Variants in MAP2K6 observed in about 807,000 individuals in gnomAD.
The protein encoded by MAP2K6 is mitogen-activated protein kinase kinase 6, also known as dual specificity mitogen-activated protein kinase kinase 6.
In MAP2K6, 16 loss-of-function variants were observed where a neutral mutation model predicts 53.7. The ratio of observed to expected loss-of-function variants is 0.30; its 90% confidence interval spans 0.20 to 0.45. The LOEUF is 0.45. MAP2K6 is among the 20% of genes least tolerant of loss of function. MAP2K6 has a pLI of 1.00. For synonymous variants in MAP2K6, 132 were observed against 143.1 expected (o/e 0.92, Z 0.55); for missense variants, 204 against 411.9 (o/e 0.50, Z 4.37).
At chr17:69,490,110 T>C (rs2716222) in intron 1 of MAP2K6, among the ~76,000 whole-genome samples, 93,157 of 152,048 alleles carry the variant, frequency 0.61, 28,733 homozygotes, top group East Asian at 0.72. Flanking sequence ...TTCTTGTTGG[T>C]AGGGAACATG....
In MAP2K6 at chr17:69,460,388, C is replaced by T. The variant is rs746945458; in HGVS notation, c.16+45388C>T. Among the ~76,000 whole-genome samples, 144 of 152,164 alleles carry T rather than the reference C, an allele frequency of 9.5e-4. 3 individuals are homozygous for T. Among genetic ancestry groups the T allele is most frequent in the Non-Finnish European group, 3.5e-4 (24 of 68,034 alleles). ...GCACTGCAGATACATGAGCAAGACCCGGAGGTGTGAGGTTACCTGGTGCAG... is the reference window on the plus strand; with the variant it reads ...GCACTGCAGATACATGAGCAAGACCTGGAGGTGTGAGGTTACCTGGTGCAG... On this transcript the variant is annotated intron_variant, in intron 1 of 11. Transcript: ENST00000590474.
At chr17:69,425,770 C>T (rs146300601) in intron 1 of MAP2K6, among the ~76,000 whole-genome samples, 2 of 152,276 alleles carry the variant, frequency 1.3e-5, no homozygotes, top group East Asian at 3.9e-4. Flanking sequence ...TCTCCCTCCT[C>T]CAATTTCAAA....
intron 1 of MAP2K6, among the ~76,000 whole-genome samples, chr17:69,462,578 T>C (rs1598273776): frequency 6.6e-6 from 1 of 152,290 alleles, no homozygotes; most frequent in East Asian, 1.9e-4. Flanking sequence ...TTTTTCAATA[T>C]GTGTATAGGC....
At chr17:69,475,923 T>C (rs1598280138) in intron 1 of MAP2K6, among the ~76,000 whole-genome samples, 1 of 152,196 alleles carries the variant, frequency 6.6e-6, no homozygotes, top group East Asian at 1.9e-4. Flanking sequence ...CGGGTAGCTT[T>C]GGGACAAAGT....
At chr17:69,448,070 T>G (rs531085281) in intron 1 of MAP2K6, among the ~76,000 whole-genome samples, 11 of 152,116 alleles carry the variant, frequency 7.2e-5, no homozygotes, top group South Asian at 2.1e-4. Context: ...CAGGGAGGCA[T>G]CTTTAAATGC....
At chr17:69,462,365 G>A (rs543752753) in intron 1 of MAP2K6, among the ~76,000 whole-genome samples, 1 of 152,138 alleles carries the variant, frequency 6.6e-6, no homozygotes, top group Non-Finnish European at 1.5e-5. Context: ...TCCATAAAAC[G>A]ACAAGAGAAC....
rs570302981 is a variant in MAP2K6, at chr17:69,425,394, C to T, written c.16+10394C>T. On this transcript the variant is annotated intron_variant, in intron 1 of 11. Coordinates refer to ENST00000590474, the MANE Select transcript of MAP2K6 (RefSeq NM_002758.4). The stretch of plus-strand genomic sequence containing the variant: ...GTGGTGCTATCTCAGCTCACTGCAA[C>T]CTCCGCCTCCCGGGTTCAAGTGATT... Among the ~76,000 whole-genome samples the T allele has an allele frequency of 3.3e-5, 5 of 152,036 alleles. No individual in the cohort carries two copies. In the East Asian group the frequency reaches 9.7e-4, roughly 29 times the overall value.
chr17:69,418,876 CA>C (rs11412079), intron 1 of MAP2K6, among the ~76,000 whole-genome samples: 11 of 148,886 alleles, frequency 7.4e-5, no homozygotes, highest in East Asian at 2.0e-4. Flanking sequence ...TTTATTATTG[CA>C]AAAAAAAAAT....
intron 9 of MAP2K6, among the ~76,000 whole-genome samples, chr17:69,525,699 A>G (rs1281947398): frequency 6.6e-6 from 1 of 152,198 alleles, no homozygotes; most frequent in South Asian, 2.1e-4. Flanking sequence ...CATGAGAACC[A>G]TAGAACAGTA....
rs569310559 is a variant in MAP2K6 at position 69,546,465 on chromosome 17, A to G, written c.*4712A>G. The G allele has an allele frequency of 5.9e-5, 9 of 152,274 alleles. No homozygotes were observed. In the South Asian group the frequency reaches 1.7e-3, roughly 28 times the overall value. 9.4% of individuals were successfully genotyped at this position (152,274 alleles called of 1,614,324 possible). On this transcript the variant is annotated 3_prime_UTR_variant, in exon 12 of 12. Coordinates refer to ENST00000590474, the MANE Select transcript of MAP2K6 (RefSeq NM_002758.4). ...GGCAGAGAGGGGTTAATGTTGCATA[A>G]TTTATCACTAAAATGTCTTTGTTGA...
At chr17:69,484,764 C>T (rs1190488389) in intron 1 of MAP2K6, among the ~76,000 whole-genome samples, 1 of 152,086 alleles carries the variant, frequency 6.6e-6, no homozygotes, top group Non-Finnish European at 1.5e-5. Flanking sequence ...ATTACTGATA[C>T]AAGCTACAAC....
intron 1 of MAP2K6, among the ~76,000 whole-genome samples, chr17:69,468,835 A>G (rs1907896242): frequency 6.6e-6 from 1 of 152,244 alleles, no homozygotes; most frequent in South Asian, 2.1e-4. Flanking sequence ...AAAAGAAAAC[A>G]GAACAACAAA....
In MAP2K6 at chr17:69,546,364, G is replaced by T. The variant is rs1911879924; in HGVS notation, c.*4611G>T. The T allele has an allele frequency of 6.6e-6, 1 of 152,182 alleles. No homozygotes were observed. The highest frequency in any genetic ancestry group is 6.5e-5 in the Admixed American group (1 of 15,280). The allele number at this position is 152,182 out of a possible 1,614,324, so 9.4% of individuals were successfully genotyped here. On this transcript the variant is annotated 3_prime_UTR_variant, in exon 12 of 12. Transcript: ENST00000590474. ...AAAGCCCCAGCATTGGAGGAGGCTG[G>T]TGCTAAGATGGACAGGGTTCCTGAT...
intron 11 of MAP2K6, among the ~76,000 whole-genome samples, chr17:69,539,094 A>T (rs1160540328): frequency 6.6e-6 from 1 of 152,212 alleles, no homozygotes; most frequent in Non-Finnish European, 1.5e-5. Flanking sequence ...TGCCCAGTGA[A>T]ATAATGTTCT....
At chr17:69,541,175 ATCACTTG>A in intron 11 of MAP2K6, among the ~76,000 whole-genome samples, 1 of 152,196 alleles carries the variant, frequency 6.6e-6, no homozygotes, top group African/African-American at 2.4e-5. Flanking sequence ...AGGCAGGAGA[ATCACTTG>A]AACCCGGGAG....
In MAP2K6 at chr17:69,536,178, C is replaced by T. The variant is rs74001408; in HGVS notation, c.927+18C>T. ...AGCTAATGGTGAGTATTGTTAGCAA[C>T]GTAAACATGACTATACTGATAGCTA... is the stretch of plus-strand genomic sequence containing the variant. On this transcript the variant is annotated intron_variant, in intron 11 of 11. Transcript: ENST00000590474. 2.2e-4 allele frequency: 358 copies of T among 1,601,462 alleles called. 1 individual carries two copies. In the African/African-American group the frequency reaches 4.0e-3, roughly 18 times the overall value.
intron 1 of MAP2K6, among the ~76,000 whole-genome samples, chr17:69,503,883 A>T (rs1052354276): frequency 6.6e-6 from 1 of 152,190 alleles, no homozygotes; most frequent in African/African-American, 2.4e-5. Context: ...GAGAAAACTG[A>T]GAGTCAGATG....
intron 1 of MAP2K6, among the ~76,000 whole-genome samples, chr17:69,501,981 G>A (rs1490594586): frequency 6.6e-6 from 1 of 151,024 alleles, no homozygotes; most frequent in Non-Finnish European, 1.5e-5. Flanking sequence ...GCCTTCCTGG[G>A]GGAACAGATT....
chr17:69,522,507 T>A (rs72855588), intron 7 of MAP2K6, among the ~76,000 whole-genome samples: 6,509 of 152,222 alleles, frequency 0.043, 396 homozygotes, highest in African/African-American at 0.13. Flanking sequence ...TCCAATTTTA[T>A]GGGTGTTATG....
Sources: allele counts gnomAD v4.1 joint callset (sites outside exome capture counted in the v4.1 genomes callset), GRCh38; gene constraint gnomAD v4.1.1; transcripts MANE v1.5; gene names NCBI Gene and HGNC (gene_info 2026-07-23, HGNC 2026-07-21).